SH2D4A: variants seen among roughly 807,000 people sequenced by gnomAD.
SH2D4A encodes SH2 domain-containing protein 4A.
A neutral mutation model predicts 64.7 loss-of-function variants in SH2D4A; 70 were observed. The ratio of observed to expected loss-of-function variants is 1.08; its 90% CI spans 0.89 to 1.32. The LOEUF (loss-of-function observed/expected upper bound fraction) is 1.32, where lower values mean the gene tolerates loss of function less well. SH2D4A is among the 40% of genes most tolerant of loss of function. The pLI is 0.00. For synonymous variants in SH2D4A, 268 were observed against 200.7 expected (o/e 1.34, Z -2.83); for missense variants, 706 against 540.1 (o/e 1.31, Z -3.04).
chr8:19,379,415 C>G (rs558287616), intron 8 of SH2D4A, among the ~76,000 whole-genome samples: 1 of 152,186 alleles, frequency 6.6e-6, no homozygotes, highest in South Asian at 2.1e-4. Context: ...TACCCATTAT[C>G]TGTTGATGCA....
In SH2D4A at chr8:19,373,232, G is replaced by A. The variant is rs569431789; in HGVS notation, c.918-298G>A. On this transcript the variant is annotated intron_variant, in intron 7 of 9. Coordinates refer to ENST00000265807, the MANE Select transcript of SH2D4A (RefSeq NM_022071.4). ...GCCCTTGAGGAGGTGTATAATGGTA[G>A]TGTGTCAGGGCTCCAGCCTCCTGTT... 5.3e-5 allele frequency among the ~76,000 whole-genome samples: 8 copies of A among 151,858 alleles called. No individual in the cohort carries two copies. In the South Asian group the frequency reaches 1.7e-3, roughly 32 times the overall value.
intron 5 of SH2D4A, among the ~76,000 whole-genome samples, chr8:19,358,801 C>G (rs1366633427): frequency 6.6e-6 from 1 of 152,200 alleles, no homozygotes; most frequent in East Asian, 1.9e-4. Context: ...GCTTTCTGAA[C>G]GGGCCCAGCG....
intron 8 of SH2D4A, chr8:19,375,298 A>G (rs1362013545): frequency 6.6e-6 from 1 of 152,230 alleles, no homozygotes; most frequent in African/African-American, 2.4e-5. Flanking sequence ...TTTTCATGAT[A>G]AAGAGAATAT....
intron 7 of SH2D4A, among the ~76,000 whole-genome samples, chr8:19,366,328 G>C (rs889840887): frequency 2.0e-5 from 3 of 152,062 alleles, no homozygotes; most frequent in Admixed American, 6.6e-5. Flanking sequence ...CCTATCTTTT[G>C]GCTGTTTTGA....
At chr8:19,318,389 A>G (rs1488003249) in intron 1 of SH2D4A, among the ~76,000 whole-genome samples, 2 of 152,168 alleles carry the variant, frequency 1.3e-5, no homozygotes, top group Admixed American at 6.5e-5. Flanking sequence ...TAGAGAGAGA[A>G]AGTATGACAG....
At chr8:19,372,191 T>G (rs923578694) in intron 7 of SH2D4A, among the ~76,000 whole-genome samples, 5 of 152,200 alleles carry the variant, frequency 3.3e-5, no homozygotes, top group Non-Finnish European at 7.3e-5. Context: ...TTCCAGAAAT[T>G]CTAAAGCAAC....
rs535127287 is a variant in SH2D4A at position 19,325,671 on chromosome 8, T to A, written c.181+5943T>A. ...TCCAGCGGAGGTTCTCTCGTTTCTA[T>A]ACTGCCCTCTGCTTCCCTAGGCTGT... On this transcript the variant is annotated intron_variant, in intron 2 of 9. Coordinates refer to ENST00000265807, the MANE Select transcript of SH2D4A (RefSeq NM_022071.4). 2.6e-5 allele frequency among the ~76,000 whole-genome samples: 4 copies of A among 152,350 alleles called. No homozygotes were observed. In the East Asian group the frequency reaches 7.7e-4, roughly 29 times the overall value.
Position 19,334,676 on chromosome 8 carries a change from C to G in SH2D4A, c.342-10C>G. 1 of 1,579,766 alleles carries G rather than the reference C, an allele frequency of 6.3e-7. No homozygotes were observed. The highest frequency in any genetic ancestry group is 8.6e-7 in the Non-Finnish European group (1 of 1,166,288). ...TGTTTTTTGAGAATTTCACTTTTGC[C>G]TCTCTTCAGAAAAACTCACTCTGAA... On this transcript the variant is annotated splice_polypyrimidine_tract_variant and intron_variant, in intron 3 of 9. Transcript: ENST00000265807.
At chr8:19,377,424 GT>G (rs1215023954) in intron 8 of SH2D4A, among the ~76,000 whole-genome samples, 1 of 152,136 alleles carries the variant, frequency 6.6e-6, no homozygotes, top group Non-Finnish European at 1.5e-5. Flanking sequence ...CCCTTTGTTA[GT>G]TTTCTTTTTA....
Position 19,391,215 on chromosome 8 carries a change from G to C in SH2D4A, c.1049-2103G>C, listed in dbSNP as rs1346437698. Among the ~76,000 whole-genome samples, 3 of 152,172 alleles carry C rather than the reference G, an allele frequency of 2.0e-5. No homozygotes were observed. The East Asian group carries it at 5.8e-4, about 29-fold the overall frequency. On this transcript the variant is annotated intron_variant, in intron 8 of 9. Coordinates refer to ENST00000265807, the MANE Select transcript of SH2D4A (RefSeq NM_022071.4). ...TACCTGGCGCCTTGTTTCAACGTAT[G>C]GTTGTCATTTGTAATTTATCAATGG...
rs1192567453 is a variant in SH2D4A at position 19,393,544 on chromosome 8, G to A, written c.1272+3G>A. The A allele has an allele frequency of 3.7e-6, 6 of 1,613,748 alleles. No homozygotes were observed. Among genetic ancestry groups the A allele is most frequent in the Non-Finnish European group, 5.1e-6 (6 of 1,179,952 alleles). On this transcript the variant is annotated splice_donor_region_variant and intron_variant, in intron 9 of 9. Coordinates refer to ENST00000265807, the MANE Select transcript of SH2D4A (RefSeq NM_022071.4). ...CGGATTTGGTGGAATATCACAAGGT[G>A]AAGCAATGCATAAACTTAATTTGCC... is the stretch of plus-strand genomic sequence containing the variant.
intron 1 of SH2D4A, among the ~76,000 whole-genome samples, chr8:19,314,418 G>T (rs1250034546): frequency 1.3e-5 from 2 of 152,120 alleles, no homozygotes; most frequent in Admixed American, 6.5e-5. Flanking sequence ...AGCGCGCGGA[G>T]GCCAGTGCAG....
At chr8:19,338,477 G>C (rs2052477716) in intron 4 of SH2D4A, among the ~76,000 whole-genome samples, 2 of 152,230 alleles carry the variant, frequency 1.3e-5, no homozygotes, top group South Asian at 4.1e-4. Context: ...TGAATATCCA[G>C]GCAGGCCCAG....
At chr8:19,348,032 A>G (rs996610405) in intron 4 of SH2D4A, among the ~76,000 whole-genome samples, 2 of 152,200 alleles carry the variant, frequency 1.3e-5, no homozygotes, top group Non-Finnish European at 2.9e-5. Flanking sequence ...ACACGCCACT[A>G]AAGTGTACAT....
intron 8 of SH2D4A, among the ~76,000 whole-genome samples, chr8:19,384,748 C>A (rs1240859833): frequency 6.6e-6 from 1 of 152,132 alleles, no homozygotes; most frequent in Non-Finnish European, 1.5e-5. Flanking sequence ...AAGACAGGGC[C>A]AAAGAATAAA....
Position 19,361,011 on chromosome 8 carries a change from G to C in SH2D4A, c.595-192G>C, listed in dbSNP as rs144947207. ...TGCTCCTGGAGTTACACACTAGCTA[G>C]CAATGGTCAGTCTTACTTCAGGTCT... On this transcript the variant is annotated intron_variant, in intron 5 of 9. Transcript: ENST00000265807. 6.6e-3 allele frequency: 2,640 copies of C among 401,348 alleles called. 10 individuals are homozygous for C. The highest frequency in any genetic ancestry group is 8.7e-3 in the Non-Finnish European group (1,923 of 220,808). The allele number at this position is 401,348 out of a possible 1,614,324, so 24.9% of individuals were successfully genotyped here. A position where few individuals can be genotyped will look rare whatever the true frequency, so the allele number is the denominator to read the frequency against.
chr8:19,314,640 A>G (rs2052055668), intron 1 of SH2D4A, among the ~76,000 whole-genome samples: 1 of 152,114 alleles, frequency 6.6e-6, no homozygotes, highest in Non-Finnish European at 1.5e-5. Context: ...TTTCAAACAG[A>G]TGCTCCTCAT....
chr8:19,355,789 G>A (rs748419546), intron 4 of SH2D4A, among the ~76,000 whole-genome samples: 9 of 152,108 alleles, frequency 5.9e-5, no homozygotes, highest in Non-Finnish European at 1.2e-4. Flanking sequence ...GCTCATTAGC[G>A]GAATTAGCAT....
At chr8:19,389,232 G>GTGTT (rs1244544774) in intron 8 of SH2D4A, among the ~76,000 whole-genome samples, 6 of 152,190 alleles carry the variant, frequency 3.9e-5, no homozygotes, top group African/African-American at 1.4e-4. Context: ...GAGCCTGCTG[G>GTGTT]TGTTTGAGTT....
Sources: gnomAD v4.1 joint callset for allele counts (sites outside exome capture counted in the v4.1 genomes callset) on GRCh38, gnomAD v4.1.1 for gene constraint, MANE v1.5 for transcripts, NCBI Gene and HGNC (gene_info 2026-07-23, HGNC 2026-07-21) for gene names.